AKR1C4: variants seen among roughly 807,000 people sequenced by gnomAD.
AKR1C4 encodes the protein aldo-keto reductase family 1 member C4.
A neutral mutation model predicts 41.0 loss-of-function variants in AKR1C4; 44 were observed. That is an observed-to-expected ratio of 1.07 (90% CI 0.84 to 1.38). The LOEUF (loss-of-function observed/expected upper bound fraction) is 1.38, where lower values mean the gene tolerates loss of function less well. Among genes scored for constraint, AKR1C4 ranks in the 40% most tolerant of loss-of-function variants. The probability of loss-of-function intolerance (pLI) is 0.00; values close to 1 mark genes in which losing one functional copy is unlikely to be tolerated. For synonymous variants in AKR1C4, 165 were observed against 137.7 expected (o/e 1.20, Z -1.39); for missense variants, 438 against 387.9 (o/e 1.13, Z -1.09).
intron 4 of AKR1C4, among the ~76,000 whole-genome samples, 170 bp from the exon 5 acceptor site, chr10:5,206,102 ATTC>A (rs2132130426): frequency 6.6e-6 from 1 of 152,204 alleles, no homozygotes; most frequent in Non-Finnish European, 1.5e-5. Context: ...GGATACACAA[ATTC>A]TTCTTGCTGT....
At chr10:5,200,718 A>G (rs1228746926) in intron 2 of AKR1C4, among the ~76,000 whole-genome samples, 1 of 152,184 alleles carries the variant, frequency 6.6e-6, no homozygotes, top group African/African-American at 2.4e-5. Context: ...CGATCACTGG[A>G]CATCGTACTC....
intron 7 of AKR1C4, among the ~76,000 whole-genome samples, chr10:5,216,471 T>C (rs1832658936): frequency 6.7e-6 from 1 of 150,174 alleles, no homozygotes; most frequent in African/African-American, 2.4e-5. Context: ...CCATCTTTAG[T>C]TTCTGTTGAG....
At chr10:5,216,595 G>A in intron 7 of AKR1C4, 116 bp from the exon 8 acceptor site, 1 of 671,828 alleles carries the variant, frequency 1.5e-6, no homozygotes, top group Admixed American at 3.2e-5. Flanking sequence ...CATAACTTTT[G>A]GAAACTTATC....
At chr10:5,207,855 T>C in intron 5 of AKR1C4, 1 of 247,276 alleles carries the variant, frequency 4.0e-6, no homozygotes. Context: ...CTGGGTGCTA[T>C]CAAAGCTTCA....
At chr10:5,200,051 T>G (rs751703625) in intron 1 of AKR1C4, 130 bp from the exon 2 acceptor site, 30 of 1,177,250 alleles carry the variant, frequency 2.5e-5, no homozygotes, top group Non-Finnish European at 3.3e-5. Context: ...CCTAGAGGTC[T>G]GAGCAGCGGG....
At chr10:5,204,737 A>AG in intron 3 of AKR1C4, 1 of 603,076 alleles carries the variant, frequency 1.7e-6, no homozygotes, top group Non-Finnish European at 3.1e-6. Context: ...AACAACAGCC[A>AG]CCTTCAAGGC....
chr10:5,215,277 G>A (rs191501348), intron 7 of AKR1C4, among the ~76,000 whole-genome samples: 117 of 152,270 alleles, frequency 7.7e-4, no homozygotes, highest in Non-Finnish European at 6.0e-4. Context: ...GTGATCCCCA[G>A]TGATGGAAGT....
chr10:5,208,891 T>C (rs1276181554), intron 5 of AKR1C4, among the ~76,000 whole-genome samples: 2 of 135,026 alleles, frequency 1.5e-5, no homozygotes, highest in African/African-American at 5.6e-5. Context: ...ATAAAAGATG[T>C]ATCATGAAAA....
chr10:5,212,333 G>A (rs545885979), intron 5 of AKR1C4, among the ~76,000 whole-genome samples: 1 of 152,252 alleles, frequency 6.6e-6, no homozygotes, highest in East Asian at 1.9e-4. Flanking sequence ...TCAAAGCTCA[G>A]AATCTTAACC....
intron 7 of AKR1C4, among the ~76,000 whole-genome samples, chr10:5,215,162 A>G (rs1490459495): frequency 6.6e-6 from 1 of 152,188 alleles, no homozygotes; most frequent in Non-Finnish European, 1.5e-5. Flanking sequence ...TCATGTACTT[A>G]TAAGATTCGG....
chr10:5,210,118 A>C lies in AKR1C4; in HGVS notation c.571-2498A>C, dbSNP rs114383105. On this transcript the variant is annotated intron_variant, in intron 5 of 8. Transcript: ENST00000263126. ...TGTTTCATGTGGGAGAAATGGGCCA[A>C]AACAAAGGGGCTACATGACCCATGC... is the stretch of plus-strand genomic sequence containing the variant. Among the ~76,000 whole-genome samples, 504 of 152,328 alleles carry C rather than the reference A, an allele frequency of 3.3e-3. 5 individuals carry two copies. The highest frequency in any genetic ancestry group is 0.012 in the African/African-American group (481 of 41,566).
At chr10:5,207,566 A>G (rs1201882876) in intron 5 of AKR1C4, 8 of 766,960 alleles carry the variant, frequency 1.0e-5, no homozygotes, top group Non-Finnish European at 4.2e-6. Flanking sequence ...AAGAAACTAG[A>G]CTTGAAGAAC....
chr10:5,209,050 G>T (rs1554797724), intron 5 of AKR1C4, among the ~76,000 whole-genome samples: 1 of 152,094 alleles, frequency 6.6e-6, no homozygotes, highest in African/African-American at 2.4e-5. Flanking sequence ...AACATTTTTG[G>T]TGAGAAACTG....
intron 2 of AKR1C4, 119 bp downstream of exon 2, chr10:5,200,467 C>T: frequency 3.5e-6 from 5 of 1,446,634 alleles, no homozygotes; most frequent in Non-Finnish European, 4.6e-6. Flanking sequence ...CCAATTTATT[C>T]ACACATATTC....
chr10:5,206,172 A>C (rs1326815689), intron 4 of AKR1C4, 103 bp from the exon 5 acceptor site: 8 of 1,550,642 alleles, frequency 5.2e-6, no homozygotes, highest in Non-Finnish European at 7.0e-6. Context: ...TGCTATTTTC[A>C]TTGTCATATC....
intron 7 of AKR1C4, 21 bp downstream of exon 7, chr10:5,213,180 C>G: frequency 6.2e-7 from 1 of 1,612,098 alleles, no homozygotes; most frequent in Non-Finnish European, 8.5e-7. Flanking sequence ...GGGTGGGCAT[C>G]AGGGCTCCTG....
intron 2 of AKR1C4, among the ~76,000 whole-genome samples, chr10:5,200,841 T>C (rs553748315): frequency 6.6e-6 from 1 of 152,332 alleles, no homozygotes; most frequent in East Asian, 1.9e-4. Context: ...TTCCCACTTA[T>C]AAGTGAGAAT....
At chr10:5,214,580 A>T (rs1468436542) in intron 7 of AKR1C4, among the ~76,000 whole-genome samples, 3 of 152,212 alleles carry the variant, frequency 2.0e-5, no homozygotes, top group Admixed American at 6.5e-5. Flanking sequence ...ATATTTTAAT[A>T]TGTGCTTCAA....
At chr10:5,207,719 G>C in intron 5 of AKR1C4, 2 of 539,268 alleles carry the variant, frequency 3.7e-6, no homozygotes, top group Non-Finnish European at 6.8e-6. Flanking sequence ...ATAATGAAGA[G>C]AAAAATATTG....
Sources: gnomAD v4.1 joint callset for allele counts (sites outside exome capture counted in the v4.1 genomes callset) on GRCh38, gnomAD v4.1.1 for gene constraint, MANE v1.5 for transcripts, NCBI Gene and HGNC (gene_info 2026-07-23, HGNC 2026-07-21) for gene names.